The following SHC3 variants were observed in gnomAD, a reference collection of about 807,000 sequenced individuals.
SHC3 encodes the protein SHC adaptor protein 3.
In SHC3, 15 loss-of-function variants were observed where a neutral mutation model predicts 60.4. That is an observed-to-expected ratio of 0.25 (90% CI 0.17 to 0.38). The LOEUF is 0.38. Among genes scored for constraint, SHC3 ranks in the 10% least tolerant of loss-of-function variants. The pLI, the probability that SHC3 is intolerant of heterozygous loss-of-function variation, is 1.00. For missense variants in SHC3, 677 were observed against 786.1 expected, an observed-to-expected ratio of 0.86 and a Z score of 1.66; for synonymous variants, 294 against 325.9, an observed-to-expected ratio of 0.90 and a Z score of 1.05.
chr9:89,081,737 C>T (rs898363751), intron 2 of SHC3, among the ~76,000 whole-genome samples: 1 of 152,176 alleles, frequency 6.6e-6, no homozygotes, highest in African/African-American at 2.4e-5. Flanking sequence ...TAACGTGTAA[C>T]CCTATTTATC....
At chr9:89,088,135 C>T (rs1164041239) in intron 2 of SHC3, among the ~76,000 whole-genome samples, 4 of 152,148 alleles carry the variant, frequency 2.6e-5, no homozygotes, top group African/African-American at 9.7e-5. Flanking sequence ...TTCTCTGAAG[C>T]CTGCTACCTG....
chr9:89,153,093 ATTAT>A (rs1015952136), intron 1 of SHC3, among the ~76,000 whole-genome samples: 7 of 152,284 alleles, frequency 4.6e-5, no homozygotes, highest in African/African-American at 1.4e-4. Context: ...CGTTGAGCTG[ATTAT>A]TTAAGGTTTT....
intron 10 of SHC3, among the ~76,000 whole-genome samples, chr9:89,039,813 CATCATCAGG>C (rs1186782125): frequency 6.6e-6 from 1 of 151,962 alleles, no homozygotes; most frequent in African/African-American, 2.4e-5. Context: ...TTACCATCAG[CATCATCAGG>C]ATCATCACCA....
intron 3 of SHC3, among the ~76,000 whole-genome samples, chr9:89,075,765 G>A (rs898515462): frequency 1.3e-5 from 2 of 152,166 alleles, no homozygotes; most frequent in African/African-American, 4.8e-5. Flanking sequence ...AGGTTCTCAT[G>A]GACTGTCCTC....
intron 6 of SHC3, 26 bp from the exon 7 acceptor site, chr9:89,052,189 A>G (rs766910844): frequency 4.3e-6 from 7 of 1,611,960 alleles, no homozygotes; most frequent in South Asian, 3.3e-5. Flanking sequence ...ACATGGGCCT[A>G]TTAGAGACAG....
intron 11 of SHC3, among the ~76,000 whole-genome samples, chr9:89,018,980 A>G (rs1826152017): frequency 6.6e-6 from 1 of 150,856 alleles, no homozygotes. Flanking sequence ...AGTCGCTTGA[A>G]CCTGGGAGAT....
chr9:89,075,701 G>A (rs1204152254), intron 3 of SHC3, among the ~76,000 whole-genome samples: 2 of 152,298 alleles, frequency 1.3e-5, no homozygotes, highest in African/African-American at 4.8e-5. Context: ...AAGGATGTTC[G>A]CGGCCGAAGG....
chr9:89,143,810 G>T (rs1341192733), intron 1 of SHC3, among the ~76,000 whole-genome samples: 1 of 152,108 alleles, frequency 6.6e-6, no homozygotes, highest in Non-Finnish European at 1.5e-5. Flanking sequence ...CTTTTTCGGG[G>T]TTAGTGTGTC....
intron 1 of SHC3, among the ~76,000 whole-genome samples, chr9:89,134,472 GT>G (rs57641147): frequency 0.23 from 34,765 of 151,962 alleles, 4,281 homozygotes; most frequent in African/African-American, 0.31. Context: ...ACTGAAAATT[GT>G]TAAGGGATTA....
chr9:89,028,399 T>C (rs1826355814), intron 11 of SHC3, among the ~76,000 whole-genome samples: 1 of 151,740 alleles, frequency 6.6e-6, no homozygotes, highest in East Asian at 1.9e-4. Flanking sequence ...AAGATCATGA[T>C]GAGCAAACCA....
intron 1 of SHC3, among the ~76,000 whole-genome samples, chr9:89,128,252 T>C (rs1046216182): frequency 6.6e-6 from 1 of 152,184 alleles, no homozygotes; most frequent in Admixed American, 6.6e-5. Context: ...AGACATTTGG[T>C]CTAAATTACA....
chr9:89,150,661 T>C (rs1175233419), intron 1 of SHC3, among the ~76,000 whole-genome samples: 1 of 152,228 alleles, frequency 6.6e-6, no homozygotes, highest in Non-Finnish European at 1.5e-5. Context: ...ATAAAGCTGC[T>C]ATGAACATTT....
intron 11 of SHC3, among the ~76,000 whole-genome samples, chr9:89,027,506 C>T (rs112933341): frequency 1.7e-4 from 26 of 152,026 alleles, no homozygotes; most frequent in African/African-American, 5.3e-4. Flanking sequence ...TTAGTAGAAA[C>T]GGGGTTTCAC....
At chr9:89,114,495 TTTATA>T (rs1290253183) in intron 1 of SHC3, among the ~76,000 whole-genome samples, 2 of 152,082 alleles carry the variant, frequency 1.3e-5, no homozygotes, top group Non-Finnish European at 2.9e-5. Context: ...TTACATAGCA[TTTATA>T]TTATATTAGG....
At chr9:89,138,621 C>T (rs1049794402) in intron 1 of SHC3, among the ~76,000 whole-genome samples, 8 of 152,180 alleles carry the variant, frequency 5.3e-5, no homozygotes, top group African/African-American at 1.4e-4. Flanking sequence ...AATGCCTAAC[C>T]GTCTGGGAAT....
intron 1 of SHC3, among the ~76,000 whole-genome samples, chr9:89,151,602 T>C (rs902065325): frequency 6.6e-6 from 1 of 152,180 alleles, no homozygotes. Context: ...AGGAACAGAC[T>C]AAGACAAATT....
chr9:89,169,638 G>A (rs751060485), intron 1 of SHC3, among the ~76,000 whole-genome samples: 5 of 151,714 alleles, frequency 3.3e-5, no homozygotes, highest in Admixed American at 6.6e-5. Context: ...GCCCACACAA[G>A]TCCACAGAAG....
intron 7 of SHC3, 48 bp downstream of exon 7, chr9:89,051,989 C>A: frequency 1.2e-6 from 2 of 1,604,834 alleles, no homozygotes; most frequent in South Asian, 1.1e-5. Flanking sequence ...GAGGAAAGGT[C>A]ATAAAACCCA....
chr9:89,024,838 G>A (rs752890274), intron 11 of SHC3, among the ~76,000 whole-genome samples: 1 of 152,204 alleles, frequency 6.6e-6, no homozygotes, highest in Non-Finnish European at 1.5e-5. Flanking sequence ...AGGTGGGTCA[G>A]GAGGAAGAGG....
Sources: allele counts gnomAD v4.1 joint callset (sites outside exome capture counted in the v4.1 genomes callset), GRCh38; gene constraint gnomAD v4.1.1; transcripts MANE v1.5; gene names NCBI Gene and HGNC (gene_info 2026-07-23, HGNC 2026-07-21).